Variants in CSGALNACT1 observed in about 807,000 individuals in gnomAD.
CSGALNACT1 encodes beta4GalNAcT-1.
Under a neutral mutation model 51.0 loss-of-function variants are expected in CSGALNACT1, and 52 were observed. The ratio of observed to expected loss-of-function variants is 1.02; its 90% CI spans 0.82 to 1.29. CSGALNACT1 has a LOEUF of 1.29. Among genes scored for constraint, CSGALNACT1 ranks in the 50% most tolerant of loss-of-function variants. The pLI is 0.00. For synonymous variants in CSGALNACT1, 341 were observed against 254.4 expected (o/e 1.34, Z -3.24); for missense variants, 935 against 679.2 (o/e 1.38, Z -4.19).
intron 4 of CSGALNACT1, among the ~76,000 whole-genome samples, chr8:19,493,857 C>G (rs186512631): frequency 7.1e-6 from 1 of 141,440 alleles, no homozygotes; most frequent in African/African-American, 2.7e-5. Context: ...AGTATATATA[C>G]GTATGTGTGT....
intron 9 of CSGALNACT1, among the ~76,000 whole-genome samples, chr8:19,406,831 C>CA (rs2054299719): frequency 6.6e-6 from 1 of 152,056 alleles, no homozygotes; most frequent in Non-Finnish European, 1.5e-5. Context: ...GCCTCAGCCT[C>CA]CCAAGTAGCT....
intron 1 of CSGALNACT1, among the ~76,000 whole-genome samples, chr8:19,735,317 T>G (rs191443458): frequency 6.6e-6 from 1 of 152,276 alleles, no homozygotes; most frequent in Non-Finnish European, 1.5e-5. Context: ...GATTTCATTT[T>G]GAAACACCTT....
chr8:19,697,608 G>A (rs1242061500), intron 1 of CSGALNACT1, among the ~76,000 whole-genome samples: 1 of 152,174 alleles, frequency 6.6e-6, no homozygotes, highest in Admixed American at 6.5e-5. Context: ...GAGTGAGGGA[G>A]TGAGTAGCCC....
chr8:19,756,172 C>G (rs898514974), intron 1 of CSGALNACT1, among the ~76,000 whole-genome samples: 2 of 151,964 alleles, frequency 1.3e-5, no homozygotes, highest in South Asian at 4.1e-4. Flanking sequence ...ATTTGACTTT[C>G]TTGTAGGAAC....
upstream of CSGALNACT1, among the ~76,000 whole-genome samples, chr8:19,604,869 C>T (rs1342290447): frequency 1.4e-5 from 2 of 147,544 alleles, no homozygotes; most frequent in Non-Finnish European, 3.0e-5. Flanking sequence ...GAGCCAAGAT[C>T]GCGCCACTGC....
rs71545557 is a variant in CSGALNACT1, at chr8:19,618,653, A to AAAAG, written c.-543-16792_-543-16789dup. Among the ~76,000 whole-genome samples the AAAAG allele has an allele frequency of 2.0e-3, 180 of 91,304 alleles. 1 individual carries two copies. The highest frequency in any genetic ancestry group is 8.6e-3 in the African/African-American group (148 of 17,258). The allele number at this position is 91,304 out of a possible 152,430, so 59.9% of individuals were successfully genotyped here. ...TCAAAAAAAAAAAAAAAAAAAAAAA[A>AAAAG]AAAGAAAGAAAGAAAGAAAGAAAGA... On this transcript the variant is annotated intron_variant, in intron 1 of 9. Transcript: ENST00000332246.
chr8:19,598,306 T>C (rs947361302), intron 2 of CSGALNACT1, among the ~76,000 whole-genome samples: 1 of 152,214 alleles, frequency 6.6e-6, no homozygotes, highest in African/African-American at 2.4e-5. Flanking sequence ...AGTAGCCTCA[T>C]CTGCAGAAAA....
chr8:19,573,846 G>T (rs2043562642), intron 3 of CSGALNACT1, among the ~76,000 whole-genome samples: 1 of 152,154 alleles, frequency 6.6e-6, no homozygotes, highest in African/African-American at 2.4e-5. Context: ...GGATAAAGCA[G>T]GTAGAAGAAA....
intron 5 of CSGALNACT1, among the ~76,000 whole-genome samples, chr8:19,457,363 A>G (rs58222555): frequency 0.034 from 5,223 of 152,322 alleles, 293 homozygotes; most frequent in African/African-American, 0.12. Flanking sequence ...CTGTAATCCC[A>G]GCATTTTGAG....
intron 1 of CSGALNACT1, among the ~76,000 whole-genome samples, chr8:19,637,421 C>T (rs998390591): frequency 4.6e-5 from 7 of 152,046 alleles, no homozygotes; most frequent in East Asian, 3.9e-4. Flanking sequence ...TTTCTCTTTC[C>T]GGTTTATAAT....
intron 4 of CSGALNACT1, among the ~76,000 whole-genome samples, chr8:19,476,220 T>C (rs1329348920): frequency 2.0e-5 from 3 of 152,110 alleles, no homozygotes; most frequent in African/African-American, 7.2e-5. Flanking sequence ...CCAATTTGAG[T>C]GTACTCCCCC....
intron 1 of CSGALNACT1, among the ~76,000 whole-genome samples, chr8:19,739,749 G>T (rs964224068): frequency 3.3e-5 from 5 of 152,308 alleles, no homozygotes; most frequent in African/African-American, 1.2e-4. Flanking sequence ...CTATTCCTAG[G>T]ATGTGGGAGC....
Position 19,619,718 on chromosome 8 carries a change from T to C in CSGALNACT1, c.-543-17853A>G, listed in dbSNP as rs190606505. Among the ~76,000 whole-genome samples the C allele has an allele frequency of 3.3e-3, 508 of 152,320 alleles. 4 individuals are homozygous for C. The highest frequency in any genetic ancestry group is 0.011 in the African/African-American group (478 of 41,578). On this transcript the variant is annotated intron_variant, in intron 1 of 9. Transcript: ENST00000332246. Reference sequence around the variant, plus strand: ...AGTTTTGAACTGTTGAACACATTCGTGTCACAATAACAAAACAGTCCTGTC... The same window carrying C: ...AGTTTTGAACTGTTGAACACATTCGCGTCACAATAACAAAACAGTCCTGTC...
At chr8:19,471,693 T>TC (rs2068216408) in intron 4 of CSGALNACT1, among the ~76,000 whole-genome samples, 1 of 151,952 alleles carries the variant, frequency 6.6e-6, no homozygotes, top group African/African-American at 2.4e-5. Flanking sequence ...CAGAGGAGCC[T>TC]AAGGAAAGGT....
intron 2 of CSGALNACT1, among the ~76,000 whole-genome samples, chr8:19,601,037 T>C (rs115585300): frequency 0.023 from 3,559 of 152,258 alleles, 153 homozygotes; most frequent in African/African-American, 0.081. Context: ...TTTCATACCA[T>C]CGCATGTCAA....
intron 1 of CSGALNACT1, among the ~76,000 whole-genome samples, chr8:19,628,832 G>C (rs1170870717): frequency 1.3e-5 from 2 of 151,888 alleles, no homozygotes; most frequent in Non-Finnish European, 2.9e-5. Flanking sequence ...ACAAACAGAA[G>C]GTCAGGATAG....
intron 8 of CSGALNACT1, among the ~76,000 whole-genome samples, chr8:19,416,109 CTT>C (rs34491658): frequency 1.1e-4 from 13 of 116,716 alleles, no homozygotes; most frequent in Admixed American, 2.2e-4. Flanking sequence ...GAAATGAAAA[CTT>C]TTTTTTTTTT....
intron 8 of CSGALNACT1, among the ~76,000 whole-genome samples, chr8:19,408,949 A>AACACAC (rs5889870): frequency 0.022 from 3,084 of 142,272 alleles, 81 homozygotes; most frequent in East Asian, 0.14. Context: ...TAGATATGAA[A>AACACAC]ACACACACAC....
intron 1 of CSGALNACT1, among the ~76,000 whole-genome samples, chr8:19,618,615 G>A (rs2053365963): frequency 1.0e-5 from 1 of 100,274 alleles, no homozygotes. Context: ...CTGGGTGACA[G>A]AGGAATACTC....
Sources: gnomAD v4.1 joint callset for allele counts (sites outside exome capture counted in the v4.1 genomes callset) on GRCh38, gnomAD v4.1.1 for gene constraint, MANE v1.5 for transcripts, NCBI Gene and HGNC (gene_info 2026-07-23, HGNC 2026-07-21) for gene names.